The following MYT1L variants were observed in gnomAD, a reference collection of about 807,000 sequenced individuals.
The protein encoded by MYT1L is myelin transcription factor 1 like.
MYT1L carries 12 observed loss-of-function variants against 126.7 expected under a neutral mutation model. That is an observed-to-expected ratio of 0.09 (90% CI 0.06 to 0.15). The LOEUF (loss-of-function observed/expected upper bound fraction) is 0.15, where lower values mean the gene tolerates loss of function less well. Ranked by LOEUF, MYT1L falls within the 10% of genes least tolerant of loss-of-function variation. The pLI, the probability that MYT1L is intolerant of heterozygous loss-of-function variation, is 1.00. For synonymous variants in MYT1L, 541 were observed against 604.2 expected, an observed-to-expected ratio of 0.90 and a Z score of 1.53; for missense variants, 979 against 1,585.2, an observed-to-expected ratio of 0.62 and a Z score of 6.49.
At chr2:1,942,322 C>G (rs1000688491) in intron 9 of MYT1L, among the ~76,000 whole-genome samples, 1 of 152,160 alleles carries the variant, frequency 6.6e-6, no homozygotes, top group Admixed American at 6.5e-5. Context: ...AACGCACTGC[C>G]GGGAACATTC....
intron 3 of MYT1L, among the ~76,000 whole-genome samples, chr2:2,065,981 CAAAA>C (rs541237206): frequency 2.0e-5 from 3 of 151,330 alleles, no homozygotes; most frequent in Admixed American, 1.3e-4. Context: ...TATCCTTTTG[CAAAA>C]AAAAGTGTGT....
chr2:2,061,445 T>C (rs2070479362), intron 3 of MYT1L, among the ~76,000 whole-genome samples: 1 of 152,024 alleles, frequency 6.6e-6, no homozygotes, highest in Non-Finnish European at 1.5e-5. Context: ...ATATAGAAAT[T>C]GAAACAGCTG....
At chr2:2,053,174 G>A (rs549043712) in intron 4 of MYT1L, among the ~76,000 whole-genome samples, 240 of 152,256 alleles carry the variant, frequency 1.6e-3, no homozygotes, top group Non-Finnish European at 3.0e-3. Flanking sequence ...AACAGATACC[G>A]TACAATGCCA....
chr2:2,284,126 C>A (rs2095485081), intron 2 of MYT1L, among the ~76,000 whole-genome samples: 1 of 152,036 alleles, frequency 6.6e-6, no homozygotes. Context: ...TGGTTCAGTT[C>A]ATTTATGAAA....
chr2:2,026,677 T>C (rs543717120), intron 4 of MYT1L, among the ~76,000 whole-genome samples: 7 of 152,170 alleles, frequency 4.6e-5, no homozygotes, highest in Admixed American at 4.6e-4. Flanking sequence ...CAGTGCGGCC[T>C]CTGCCTGCCT....
intron 14 of MYT1L, among the ~76,000 whole-genome samples, chr2:1,895,354 A>G (rs1444137355): frequency 6.6e-6 from 1 of 152,264 alleles, no homozygotes; most frequent in Non-Finnish European, 1.5e-5. Context: ...TAGAAAAACA[A>G]TGATTCTAAA....
At chr2:1,952,902 C>CCTTCCCTTCTTTCCCTCCTT (rs2057988787) in intron 8 of MYT1L, among the ~76,000 whole-genome samples, 1 of 79,212 alleles carries the variant, frequency 1.3e-5, no homozygotes, top group African/African-American at 6.2e-5. Context: ...CTCCTTCTTT[C>CCTTCCCTTCTTTCCCTCCTT]CCTTCCTCTC....
At chr2:1,980,479 T>C (rs994055094) in intron 5 of MYT1L, among the ~76,000 whole-genome samples, 2 of 152,122 alleles carry the variant, frequency 1.3e-5, no homozygotes, top group African/African-American at 2.4e-5. Context: ...TGGAATGCAA[T>C]TGTCCTCCAC....
intron 21 of MYT1L, among the ~76,000 whole-genome samples, chr2:1,814,072 G>A (rs1473145935): frequency 1.3e-5 from 2 of 151,168 alleles, no homozygotes; most frequent in African/African-American, 4.9e-5. Flanking sequence ...CATGAAACCG[G>A]TCCCTTGTGC....
intron 8 of MYT1L, among the ~76,000 whole-genome samples, chr2:1,975,048 T>G (rs1328566122): frequency 1.3e-5 from 2 of 152,188 alleles, no homozygotes; most frequent in Non-Finnish European, 2.9e-5. Flanking sequence ...CCAAAAAATT[T>G]TAACCAGAGT....
At chr2:2,067,288 G>A (rs2074000155) in intron 3 of MYT1L, among the ~76,000 whole-genome samples, 1 of 152,156 alleles carries the variant, frequency 6.6e-6, no homozygotes. Context: ...AATATTGCAT[G>A]AGGAGACTTC....
At chr2:2,188,912 A>T (rs2092395545) in intron 2 of MYT1L, among the ~76,000 whole-genome samples, 1 of 152,130 alleles carries the variant, frequency 6.6e-6, no homozygotes, top group Non-Finnish European at 1.5e-5. Flanking sequence ...CCTAGGATAG[A>T]TGGTTGCTGA....
Position 2,228,906 on chromosome 2 carries a change from C to T in MYT1L, c.-421+55498G>A, listed in dbSNP as rs988825206. Among the ~76,000 whole-genome samples the T allele has an allele frequency of 2.0e-5, 3 of 151,956 alleles. No individual in the cohort carries two copies. Among genetic ancestry groups the T allele is most frequent in the African/African-American group, 7.3e-5 (3 of 41,356 alleles). ...CTTTTTAAAAAATACAGGACAAGGG[C>T]AAGTTAATAAGAAGAAACACAAGCA... On this transcript the variant is annotated intron_variant, in intron 2 of 24. Transcript: ENST00000647738. This position sits in a 1 kb window ranked among gnomAD's most constrained non-coding sequence, Gnocchi z 5.9.
At chr2:2,047,907 C>T (rs1475282307) in intron 4 of MYT1L, among the ~76,000 whole-genome samples, 1 of 152,156 alleles carries the variant, frequency 6.6e-6, no homozygotes, top group Non-Finnish European at 1.5e-5. Flanking sequence ...TACCATTTCC[C>T]AGCAAAGGCT....
At chr2:2,033,480 G>A (rs745574011) in intron 4 of MYT1L, among the ~76,000 whole-genome samples, 9 of 152,346 alleles carry the variant, frequency 5.9e-5, no homozygotes, top group Non-Finnish European at 1.2e-4. Context: ...CTATGGCAAC[G>A]AGGCAGAACT....
chr2:1,822,334 G>T (rs2038662404), intron 21 of MYT1L, among the ~76,000 whole-genome samples: 1 of 152,218 alleles, frequency 6.6e-6, no homozygotes. Context: ...ATTTCAGTCT[G>T]CAGAGCTTGG....
intron 14 of MYT1L, among the ~76,000 whole-genome samples, chr2:1,896,450 G>A (rs1234320255): frequency 1.3e-5 from 2 of 152,152 alleles, no homozygotes; most frequent in African/African-American, 4.8e-5. Context: ...CCCATCAGTG[G>A]TGGATTAGAT....
chr2:1,914,082 C>T (rs963631111), intron 11 of MYT1L, among the ~76,000 whole-genome samples: 18 of 151,978 alleles, frequency 1.2e-4, no homozygotes, highest in East Asian at 1.9e-4. Context: ...GGTGAAACCC[C>T]GTCTCTACTA....
intron 2 of MYT1L, among the ~76,000 whole-genome samples, chr2:2,221,869 T>A (rs1009253087): frequency 6.6e-6 from 1 of 152,194 alleles, no homozygotes; most frequent in Admixed American, 6.5e-5. Flanking sequence ...AGACAAATTA[T>A]TAGGTCCAGT....
Sources: gnomAD v4.1 joint callset for allele counts (sites outside exome capture counted in the v4.1 genomes callset) on GRCh38, gnomAD v4.1.1 for gene constraint, Gnocchi (gnomAD v3.1) non-coding constraint, MANE v1.5 for transcripts, NCBI Gene and HGNC (gene_info 2026-07-23, HGNC 2026-07-21) for gene names.